CACNG3: variants seen among roughly 807,000 people sequenced by gnomAD.
CACNG3 encodes calcium voltage-gated channel auxiliary subunit gamma 3.
CACNG3 carries 3 observed loss-of-function variants against 28.5 expected under a neutral mutation model. That is an observed-to-expected ratio of 0.11 (90% CI 0.05 to 0.27). The LOEUF is 0.27. Ranked by LOEUF, CACNG3 falls within the 10% of genes least tolerant of loss-of-function variation. The pLI, the probability that CACNG3 is intolerant of heterozygous loss-of-function variation, is 1.00. For missense variants in CACNG3, 236 were observed against 414.4 expected, an observed-to-expected ratio of 0.57 and a Z score of 3.74; for synonymous variants, 174 against 162.2, an observed-to-expected ratio of 1.07 and a Z score of -0.55.
intron 1 of CACNG3, among the ~76,000 whole-genome samples, chr16:24,259,513 T>A (rs1314395461): frequency 6.6e-6 from 1 of 152,184 alleles, no homozygotes; most frequent in Admixed American, 6.5e-5. Context: ...AAATGAAAAC[T>A]GGGGGTTTTC....
In CACNG3 at chr16:24,316,044, T is replaced by C. The variant is rs549469375; in HGVS notation, c.212-30690T>C. Among the ~76,000 whole-genome samples the C allele has an allele frequency of 2.0e-5, 3 of 152,280 alleles. No homozygotes were observed. In the South Asian group the frequency reaches 6.2e-4, roughly 32 times the overall value. Reference sequence around the variant, plus strand: ...ACTTCACAGATATTGTCTCATTTAATGCTACAGCAAATTAGTGAGCCCGTA... The same window carrying C: ...ACTTCACAGATATTGTCTCATTTAACGCTACAGCAAATTAGTGAGCCCGTA... On this transcript the variant is annotated intron_variant, in intron 1 of 3. Transcript: ENST00000005284.
chr16:24,325,930 T>C (rs1899535730), intron 1 of CACNG3, among the ~76,000 whole-genome samples: 1 of 152,242 alleles, frequency 6.6e-6, no homozygotes, highest in Non-Finnish European at 1.5e-5. Context: ...TATTGGCTGA[T>C]GGAACTGAAA....
chr16:24,265,003 C>T (rs1252925979), intron 1 of CACNG3, among the ~76,000 whole-genome samples: 1 of 152,138 alleles, frequency 6.6e-6, no homozygotes, highest in Non-Finnish European at 1.5e-5. Flanking sequence ...CTTTGAGAGG[C>T]CAAGGAAGGT....
chr16:24,273,535 C>T (rs559647294), intron 1 of CACNG3, among the ~76,000 whole-genome samples: 2 of 152,276 alleles, frequency 1.3e-5, no homozygotes, highest in Admixed American at 1.3e-4. Flanking sequence ...TGGTTGCATC[C>T]TATTCTGTAA....
intron 1 of CACNG3, among the ~76,000 whole-genome samples, chr16:24,304,594 T>C (rs572832038): frequency 3.6e-4 from 55 of 152,176 alleles, no homozygotes; most frequent in Non-Finnish European, 6.6e-4. Flanking sequence ...TTTGTTTTTA[T>C]AGACAGTCTC....
intron 1 of CACNG3, among the ~76,000 whole-genome samples, chr16:24,288,368 A>G (rs1172206923): frequency 6.6e-6 from 1 of 152,194 alleles, no homozygotes; most frequent in Non-Finnish European, 1.5e-5. Flanking sequence ...CTGAGGTCCC[A>G]AAAGGTTACA....
chr16:24,266,900 G>C (rs1898616357), intron 1 of CACNG3, among the ~76,000 whole-genome samples: 1 of 152,104 alleles, frequency 6.6e-6, no homozygotes. Flanking sequence ...GCTGGAGAGA[G>C]AGAGGATGGG....
intron 1 of CACNG3, among the ~76,000 whole-genome samples, chr16:24,341,584 A>G (rs1899787420): frequency 6.6e-6 from 1 of 152,222 alleles, no homozygotes; most frequent in Admixed American, 6.5e-5. Context: ...ACTAATTCTC[A>G]TGGCAACTCC....
chr16:24,338,004 A>T (rs142799525), intron 1 of CACNG3, among the ~76,000 whole-genome samples: 35 of 151,912 alleles, frequency 2.3e-4, no homozygotes, highest in African/African-American at 7.2e-4. Flanking sequence ...AGGGCAGCTG[A>T]TGGACCCAGT....
At chr16:24,319,357 A>G (rs1057413504) in intron 1 of CACNG3, among the ~76,000 whole-genome samples, 8 of 152,220 alleles carry the variant, frequency 5.3e-5, no homozygotes, top group Non-Finnish European at 8.8e-5. Flanking sequence ...ATGAATAACA[A>G]GGGTGGTGCC....
chr16:24,335,325 CA>C (rs1183328713), intron 1 of CACNG3, among the ~76,000 whole-genome samples: 1 of 152,158 alleles, frequency 6.6e-6, no homozygotes, highest in African/African-American at 2.4e-5. Flanking sequence ...GAGGCTGAGG[CA>C]TGAGAATCGC....
At chr16:24,257,322 G>C (rs1227075483) in intron 1 of CACNG3, among the ~76,000 whole-genome samples, 1 of 143,248 alleles carries the variant, frequency 7.0e-6, no homozygotes, top group Non-Finnish European at 1.5e-5. Context: ...TTCGAAGGGA[G>C]GGGGAGGGAA....
chr16:24,281,404 G>A (rs1425117760), intron 1 of CACNG3, among the ~76,000 whole-genome samples: 1 of 151,388 alleles, frequency 6.6e-6, no homozygotes, highest in Non-Finnish European at 1.5e-5. Context: ...CAGGGGTCTT[G>A]CTATGTTGCC....
intron 1 of CACNG3, among the ~76,000 whole-genome samples, chr16:24,276,803 C>G (rs1161887394): frequency 6.6e-6 from 1 of 152,180 alleles, no homozygotes; most frequent in East Asian, 1.9e-4. Context: ...CAAAGCTTAG[C>G]CACCACTCCA....
intron 1 of CACNG3, among the ~76,000 whole-genome samples, chr16:24,341,443 G>C (rs1216885999): frequency 6.6e-6 from 1 of 152,116 alleles, no homozygotes; most frequent in African/African-American, 2.4e-5. Flanking sequence ...GGTAATAATA[G>C]CTGTAATATA....
intron 1 of CACNG3, among the ~76,000 whole-genome samples, chr16:24,266,556 A>T (rs1355377827): frequency 6.6e-6 from 1 of 152,194 alleles, no homozygotes; most frequent in Non-Finnish European, 1.5e-5. Context: ...GGAAAACGAT[A>T]CCCTAAGTAG....
chr16:24,302,420 C>A (rs1016264022), intron 1 of CACNG3, among the ~76,000 whole-genome samples: 1 of 152,106 alleles, frequency 6.6e-6, no homozygotes, highest in African/African-American at 2.4e-5. Flanking sequence ...GAGTCAGCAT[C>A]TGCCATCAGG....
chr16:24,347,560 G>A (rs1416194967), intron 2 of CACNG3, among the ~76,000 whole-genome samples: 1 of 152,168 alleles, frequency 6.6e-6, no homozygotes, highest in Admixed American at 6.5e-5. Flanking sequence ...TGGGTGATGT[G>A]AGGTGCTAAT....
Position 24,340,389 on chromosome 16 carries a change from C to T in CACNG3, c.212-6345C>T, listed in dbSNP as rs536534264. Reference sequence around the variant, plus strand: ...CTCCAGACTGGGCAACAGAGCGAGACCCCGTCTCAAAATAAATAAATAAAA... The same window carrying T: ...CTCCAGACTGGGCAACAGAGCGAGATCCCGTCTCAAAATAAATAAATAAAA... On this transcript the variant is annotated intron_variant, in intron 1 of 3. Transcript: ENST00000005284. 2.4e-3 allele frequency among the ~76,000 whole-genome samples: 363 copies of T among 152,204 alleles called. 1 individual carries two copies. Among genetic ancestry groups the T allele is most frequent in the African/African-American group, 8.3e-3 (345 of 41,530 alleles).
Sources: gnomAD v4.1 joint callset for allele counts (sites outside exome capture counted in the v4.1 genomes callset) on GRCh38, gnomAD v4.1.1 for gene constraint, MANE v1.5 for transcripts, NCBI Gene and HGNC (gene_info 2026-07-23, HGNC 2026-07-21) for gene names.